The following SATB2 variants were observed in gnomAD, a reference collection of about 807,000 sequenced individuals.
SATB2 encodes SATB homeobox 2.
SATB2 carries 1 observed loss-of-function variant against 73.4 expected under a neutral mutation model. The ratio of observed to expected loss-of-function variants is 0.01; its 90% confidence interval spans 0.00 to 0.06. The LOEUF is 0.06. Ranked by LOEUF, SATB2 falls within the 10% of genes least tolerant of loss-of-function variation. SATB2 has a pLI of 1.00. For missense variants in SATB2, 459 were observed against 945.8 expected (o/e 0.49, Z 6.75); for synonymous variants, 397 against 367.0 (o/e 1.08, Z -0.93).
intron 3 of SATB2, among the ~76,000 whole-genome samples, chr2:199,404,206 G>C (rs1690566249): frequency 6.6e-6 from 1 of 152,166 alleles, no homozygotes; most frequent in African/African-American, 2.4e-5. Flanking sequence ...CAAGAAAAGA[G>C]GCAAGGCCTT....
rs1278503270 is a variant in SATB2 at position 199,328,735 on chromosome 2, G to A, written c.1349C>T (p.Ser450Leu). ...SMNPNVSMVS[S>L]ASSSPSSSRT... ...GGAGGAGCTGGGACTGCTGGAGGCC[G>A]AGGAGACCATGCTCACATTGGGATT... The change falls in exon 8 of 11, where the codon TCG (serine) becomes TTG (leucine). Residue 450 changes from serine (S) to leucine (L), a missense_variant. Around this residue, in one of 13 missense-constraint regions of SATB2, gnomAD observed 53 missense variants for 70.5 expected, o/e 0.75. Coordinates refer to ENST00000417098, the MANE Select transcript of SATB2 (RefSeq NM_001172509.2). 3.1e-6 allele frequency: 5 copies of A among 1,613,436 alleles called. No individual in the cohort carries two copies. Among genetic ancestry groups the A allele is most frequent in the Non-Finnish European group, 4.2e-6 (5 of 1,179,918 alleles).
chr2:199,469,650 A>G (rs1472775649), upstream of SATB2: 2 of 152,394 alleles, frequency 1.3e-5, no homozygotes, highest in African/African-American at 2.4e-5. Context: ...GCCCGAGGCC[A>G]GGGACCTAGA....
upstream of SATB2, chr2:199,469,899 G>A (rs1207389875): frequency 6.6e-6 from 1 of 152,404 alleles, no homozygotes; most frequent in African/African-American, 2.4e-5. Flanking sequence ...AAAGCTGTGT[G>A]TATTGAGGGA....
At chr2:199,353,037 A>C (rs1246337782) in intron 6 of SATB2, among the ~76,000 whole-genome samples, 4 of 152,134 alleles carry the variant, frequency 2.6e-5, no homozygotes, top group African/African-American at 9.7e-5. Context: ...AAAGAAAAAA[A>C]ATTATCATCC....
intron 5 of SATB2, among the ~76,000 whole-genome samples, chr2:199,374,680 C>T (rs554547330): frequency 3.4e-4 from 52 of 152,224 alleles, no homozygotes; most frequent in Admixed American, 8.5e-4. Context: ...TTACAATTTT[C>T]AGGCTAGGTG....
intron 5 of SATB2, among the ~76,000 whole-genome samples, chr2:199,376,018 G>A (rs531921318): frequency 2.2e-4 from 33 of 152,244 alleles, no homozygotes; most frequent in African/African-American, 6.5e-4. Context: ...CAAAATAGGC[G>A]CGCTTATCTC....
intron 10 of SATB2, among the ~76,000 whole-genome samples, chr2:199,276,971 GAGC>G (rs1692332258): frequency 6.6e-6 from 1 of 152,122 alleles, no homozygotes. Flanking sequence ...TTATATAACC[GAGC>G]AGTAGGAAAA....
chr2:199,427,722 G>A (rs900499281), intron 3 of SATB2, among the ~76,000 whole-genome samples: 9 of 152,024 alleles, frequency 5.9e-5, no homozygotes, highest in African/African-American at 2.2e-4. Flanking sequence ...TCTCGAATTT[G>A]TATATGTTGC....
chr2:199,424,378 AACC>A (rs1354148649), intron 3 of SATB2, among the ~76,000 whole-genome samples: 1 of 152,108 alleles, frequency 6.6e-6, no homozygotes. Context: ...TGCCTCTCAA[AACC>A]ACCACCGAGC....
chr2:199,336,198 T>C (rs556124615), intron 7 of SATB2, among the ~76,000 whole-genome samples: 13 of 152,292 alleles, frequency 8.5e-5, no homozygotes, highest in Middle Eastern at 3.4e-3. Context: ...TCAAAATTTA[T>C]AAAACACATT....
At chr2:199,454,491 A>C (rs908085718) in intron 2 of SATB2, among the ~76,000 whole-genome samples, 2 of 152,152 alleles carry the variant, frequency 1.3e-5, no homozygotes, top group Non-Finnish European at 2.9e-5. Context: ...TCAGGACAAC[A>C]AATTAATAAA....
intron 9 of SATB2, among the ~76,000 whole-genome samples, chr2:199,311,067 A>T (rs1418999083): frequency 1.3e-5 from 2 of 152,222 alleles, no homozygotes; most frequent in Non-Finnish European, 2.9e-5. Flanking sequence ...GCCCACTGAC[A>T]TGCAAGGTCT....
At position 199,308,922 on chromosome 2, in the gene SATB2, G is replaced by A; in HGVS notation, c.1578C>T (p.Asn526=). 6.2e-7 allele frequency: 1 copy of A among 1,614,150 alleles called. No homozygotes were observed. The highest frequency in any genetic ancestry group is 1.1e-5 in the South Asian group (1 of 91,082). Residue 526 remains asparagine (N), a synonymous_variant, in exon 10 of 11, where the codon AAC becomes AAT. Coordinates refer to ENST00000417098, the MANE Select transcript of SATB2 (RefSeq NM_001172509.2). The surrounding 1 kb of genome is among the most constrained non-coding windows in gnomAD (Gnocchi z 4.6). Reference sequence around the variant, plus strand: ...AGAGGGTGCGGTTTTCTGGGCTTGGGTTCTCCTTCCAGCGGAGCAGTTCAC... The same window carrying A: ...AGAGGGTGCGGTTTTCTGGGCTTGGATTCTCCTTCCAGCGGAGCAGTTCAC... ...WLCELLRWKE[N]PSPENRTLWE...
chr2:199,307,712 G>A (rs938973562), intron 10 of SATB2, among the ~76,000 whole-genome samples: 1 of 152,190 alleles, frequency 6.6e-6, no homozygotes, highest in Non-Finnish European at 1.5e-5. Context: ...ACATAAAGAT[G>A]TGTTAACTTC....
At chr2:199,287,558 G>A (rs1303049940) in intron 10 of SATB2, among the ~76,000 whole-genome samples, 1 of 150,674 alleles carries the variant, frequency 6.6e-6, no homozygotes. Context: ...GGATGATTTA[G>A]AAACAAGGAT....
chr2:199,392,190 G>A (rs1268776555), intron 3 of SATB2, among the ~76,000 whole-genome samples: 1 of 152,100 alleles, frequency 6.6e-6, no homozygotes, highest in Non-Finnish European at 1.5e-5. Flanking sequence ...AGGACTGGGA[G>A]CATCTAGATT....
intron 6 of SATB2, among the ~76,000 whole-genome samples, chr2:199,362,705 A>G (rs996853643): frequency 2.0e-5 from 3 of 152,208 alleles, no homozygotes; most frequent in Non-Finnish European, 1.5e-5. Context: ...TATTATATAT[A>G]AAATAGAAGC....
intron 2 of SATB2, among the ~76,000 whole-genome samples, chr2:199,443,292 A>AAGGTTAAC (rs1691872920): frequency 6.6e-6 from 1 of 152,156 alleles, no homozygotes; most frequent in Admixed American, 6.5e-5. Context: ...GTGTTAAGGA[A>AAGGTTAAC]AGGTTAACAG....
chr2:199,412,044 G>C (rs1690835487), intron 3 of SATB2, among the ~76,000 whole-genome samples: 1 of 152,132 alleles, frequency 6.6e-6, no homozygotes, highest in Admixed American at 6.5e-5. Context: ...CTCTGAAGGA[G>C]GGTGGGGAGT....
Sources: gnomAD v4.1 joint callset for allele counts (sites outside exome capture counted in the v4.1 genomes callset) on GRCh38, gnomAD v4.1.1 for gene constraint, gnomAD v4.1.1 regional missense constraint, Gnocchi (gnomAD v3.1) non-coding constraint, MANE v1.5 for transcripts, NCBI Gene and HGNC (gene_info 2026-07-23, HGNC 2026-07-21) for gene names.